LHFPL3: variants seen among roughly 807,000 people sequenced by gnomAD.
LHFPL3 encodes LHFPL tetraspan subfamily member 3.
In LHFPL3, 5 loss-of-function variants were observed where a neutral mutation model predicts 19.3. The observed-to-expected ratio is 0.26, with a 90% CI of 0.14 to 0.54. The LOEUF (loss-of-function observed/expected upper bound fraction) is 0.54. Among genes scored for constraint, LHFPL3 ranks in the 20% least tolerant of loss-of-function variants. The pLI is 0.94. For synonymous variants in LHFPL3, 133 were observed against 126.2 expected (o/e 1.05, Z -0.36); for missense variants, 249 against 307.4 (o/e 0.81, Z 1.42).
chr7:104,367,849 C>T (rs376839255), intron 1 of LHFPL3, among the ~76,000 whole-genome samples: 1 of 152,190 alleles, frequency 6.6e-6, no homozygotes, highest in Non-Finnish European at 1.5e-5. Flanking sequence ...TTAATTTTGT[C>T]TAAAGACACA....
intron 1 of LHFPL3, among the ~76,000 whole-genome samples, chr7:104,425,526 CAG>C (rs1367267514): frequency 1.3e-5 from 2 of 151,896 alleles, no homozygotes. Context: ...GAAGATTAAA[CAG>C]ATGATTTTAT....
intron 1 of LHFPL3, among the ~76,000 whole-genome samples, chr7:104,692,754 G>A (rs1792927872): frequency 6.6e-6 from 1 of 152,224 alleles, no homozygotes; most frequent in Admixed American, 6.5e-5. Context: ...GGATGTCCAG[G>A]CAGAAGTTTG....
intron 1 of LHFPL3, among the ~76,000 whole-genome samples, chr7:104,369,731 T>C (rs774401463): frequency 6.6e-6 from 1 of 152,230 alleles, no homozygotes; most frequent in Non-Finnish European, 1.5e-5. Context: ...CTTGTAGGTT[T>C]GCAGTGGTAT....
intron 1 of LHFPL3, among the ~76,000 whole-genome samples, chr7:104,575,942 G>A (rs963816660): frequency 6.6e-6 from 1 of 152,164 alleles, no homozygotes; most frequent in Non-Finnish European, 1.5e-5. Context: ...GGGTGGCTAA[G>A]GAATTTGTCT....
At chr7:104,615,460 A>G (rs1355403819) in intron 1 of LHFPL3, among the ~76,000 whole-genome samples, 1 of 152,206 alleles carries the variant, frequency 6.6e-6, no homozygotes, top group Non-Finnish European at 1.5e-5. Flanking sequence ...GAAGAGTTTA[A>G]TTATTTGCAG....
chr7:104,648,415 C>T (rs1213807716), intron 1 of LHFPL3, among the ~76,000 whole-genome samples: 4 of 152,110 alleles, frequency 2.6e-5, no homozygotes, highest in Non-Finnish European at 5.9e-5. Flanking sequence ...CAGACCCCTA[C>T]AAAAAGAAAA....
intron 2 of LHFPL3, among the ~76,000 whole-genome samples, chr7:104,844,932 G>A (rs1299322760): frequency 6.6e-6 from 1 of 152,172 alleles, no homozygotes; most frequent in Admixed American, 6.5e-5. Flanking sequence ...TAGAAATGGG[G>A]TTTTGCCATG....
At chr7:104,432,806 C>T (rs1584316774) in intron 1 of LHFPL3, among the ~76,000 whole-genome samples, 2 of 152,086 alleles carry the variant, frequency 1.3e-5, no homozygotes, top group Admixed American at 6.6e-5. Context: ...TTTCTAAATT[C>T]TGTTGATTCT....
chr7:104,906,372 C>A lies in LHFPL3; in HGVS notation c.*157C>A. The A allele has an allele frequency of 1.2e-6, 1 of 848,180 alleles. No homozygotes were observed. Among genetic ancestry groups the A allele is most frequent in the Non-Finnish European group, 1.8e-6 (1 of 554,302 alleles). The allele number at this position is 848,180 out of a possible 1,614,324, so 52.5% of individuals were successfully genotyped here. A position where few individuals can be genotyped will look rare whatever the true frequency, so the allele number is the denominator to read the frequency against. On this transcript the variant is annotated 3_prime_UTR_variant, in exon 3 of 3. Coordinates refer to ENST00000424859, the MANE Select transcript of LHFPL3 (RefSeq NM_199000.3). ...AGAATGGAACATTCACTTGTCAACG[C>A]ACTTTCTAAATCTAGATCAGCAGAG...
chr7:104,707,834 GT>G (rs1457578142), intron 1 of LHFPL3, among the ~76,000 whole-genome samples: 2 of 152,218 alleles, frequency 1.3e-5, no homozygotes, highest in African/African-American at 4.8e-5. Context: ...AGAGATACGT[GT>G]TTGGAAACTG....
chr7:104,853,197 T>C (rs1358775934), intron 2 of LHFPL3, among the ~76,000 whole-genome samples: 4 of 152,156 alleles, frequency 2.6e-5, no homozygotes, highest in South Asian at 2.1e-4. Context: ...AGAATACCCT[T>C]GGGGTCATTT....
intron 2 of LHFPL3, among the ~76,000 whole-genome samples, chr7:104,780,584 C>T (rs1794701308): frequency 6.6e-6 from 1 of 152,166 alleles, no homozygotes. Flanking sequence ...ATTCGTGTCA[C>T]CAGGCTACCT....
chr7:104,521,768 CA>C (rs1309529265), intron 1 of LHFPL3, among the ~76,000 whole-genome samples: 1 of 152,052 alleles, frequency 6.6e-6, no homozygotes, highest in Non-Finnish European at 1.5e-5. Context: ...TTTATGTAGC[CA>C]AAAAACACAT....
At chr7:104,551,497 T>C (rs1480390122) in intron 1 of LHFPL3, among the ~76,000 whole-genome samples, 1 of 152,196 alleles carries the variant, frequency 6.6e-6, no homozygotes, top group African/African-American at 2.4e-5. Flanking sequence ...CACCCCTCCC[T>C]TGGCTGCCTC....
At chr7:104,569,732 C>A (rs1403695165) in intron 1 of LHFPL3, among the ~76,000 whole-genome samples, 2 of 152,072 alleles carry the variant, frequency 1.3e-5, no homozygotes, top group Non-Finnish European at 2.9e-5. Flanking sequence ...TGACAGCAAG[C>A]CCTATAAGGT....
intron 1 of LHFPL3, among the ~76,000 whole-genome samples, chr7:104,522,988 G>GTA (rs1484954114): frequency 6.6e-6 from 1 of 151,504 alleles, no homozygotes; most frequent in African/African-American, 2.4e-5. Context: ...GTGTGTGTGT[G>GTA]TGTATGCACA....
At chr7:104,516,789 T>G (rs1793929787) in intron 1 of LHFPL3, among the ~76,000 whole-genome samples, 1 of 152,100 alleles carries the variant, frequency 6.6e-6, no homozygotes, top group Admixed American at 6.6e-5. Flanking sequence ...ATAATCCCAT[T>G]ACTGAATATA....
At chr7:104,615,232 T>C (rs1253878139) in intron 1 of LHFPL3, among the ~76,000 whole-genome samples, 5 of 152,222 alleles carry the variant, frequency 3.3e-5, no homozygotes, top group African/African-American at 9.6e-5. Context: ...TTTACAAAGA[T>C]GATTTAGAGA....
chr7:104,696,229 C>T (rs1011511569), intron 1 of LHFPL3, among the ~76,000 whole-genome samples: 15 of 152,160 alleles, frequency 9.9e-5, no homozygotes, highest in African/African-American at 3.1e-4. Context: ...GGTCTACAGG[C>T]GTGAGCCATT....
Sources: gnomAD v4.1 joint callset for allele counts (sites outside exome capture counted in the v4.1 genomes callset) on GRCh38, gnomAD v4.1.1 for gene constraint, MANE v1.5 for transcripts, NCBI Gene and HGNC (gene_info 2026-07-23, HGNC 2026-07-21) for gene names.